The following ESPL1 variants were observed in gnomAD, a reference collection of about 807,000 sequenced individuals.
ESPL1 encodes the protein separin.
A neutral mutation model predicts 217.2 loss-of-function variants in ESPL1; 50 were observed. The observed-to-expected ratio is 0.23, with a 90% CI of 0.18 to 0.29. The LOEUF is 0.29. Among genes scored for constraint, ESPL1 ranks in the 10% least tolerant of loss-of-function variants. ESPL1 has a pLI of 1.00. For synonymous variants in ESPL1, 994 were observed against 1,081.3 expected (o/e 0.92, Z 1.58); for missense variants, 1,834 against 2,603.0 (o/e 0.70, Z 6.43).
Position 53,286,076 on chromosome 12 carries a change from A to G in ESPL1, c.3340A>G (p.Lys1114Glu), listed in dbSNP as rs1377173713. ...TCTAGAGCTGGTGGCCACTGTGGCC[A>G]AGGAGCCTGGCCCCATAGCACCTTC... ...PALELVATVA[K>E]EPGPIAPSTN... The change falls in exon 18 of 31, where the codon AAG becomes GAG. Residue 1114 changes from lysine (K) to glutamate (E), a missense_variant. Physicochemically the swap from Lys to Glu is moderately conservative, Grantham distance 56. Transcript: ENST00000257934. This position sits in a 1 kb window ranked among gnomAD's most constrained non-coding sequence, Gnocchi z 5.3. 6.2e-7 allele frequency: 1 copy of G among 1,611,300 alleles called. No homozygotes were observed. Among genetic ancestry groups the G allele is most frequent in the East Asian group, 2.2e-5 (1 of 44,812 alleles).
Position 53,292,877 on chromosome 12 carries a change from T to C in ESPL1, c.6068T>C (p.Val2023Ala), listed in dbSNP as rs967999111. ...GTCCTGCGGCTGAGCTGTCGGGCAG[T>C]GGCCCTGCTGTTTGGCTGTAGCAGT... is the stretch of plus-strand genomic sequence containing the variant. ...QAVLRLSCRA[V>A]ALLFGCSSAA... The change falls in exon 30 of 31, where the codon GTG (valine) becomes GCG (alanine). Residue 2023 changes from valine (V) to alanine (A), a missense_variant. Val to Ala is a moderately conservative substitution (Grantham distance 64). Coordinates refer to ENST00000257934, the MANE Select transcript of ESPL1 (RefSeq NM_012291.5). This position sits in a 1 kb window ranked among gnomAD's most constrained non-coding sequence, Gnocchi z 4.5. 2 of 1,613,364 alleles carry C rather than the reference T, an allele frequency of 1.2e-6. No individual in the cohort carries two copies. Among genetic ancestry groups the C allele is most frequent in the Non-Finnish European group, 1.7e-6 (2 of 1,180,044 alleles).
chr12:53,288,592 T>C lies in ESPL1; in HGVS notation c.4601T>C (p.Leu1534Pro). The change falls in exon 20 of 31, where the codon CTG becomes CCG. Residue 1534 changes from leucine to proline, a missense_variant. Transcript: ENST00000257934. ...GCAGCTTCTGGAGAATGGGAGCTGC[T>C]GAGGCTGGATTCCAGCAAGAAGAAG... ...PEAASGEWELLRLDSSKKKLP... is the reference protein window; with the variant it reads ...PEAASGEWELPRLDSSKKKLP... 6.2e-7 allele frequency: 1 copy of C among 1,613,810 alleles called. No homozygotes were observed.
At chr12:53,281,758 A>G in intron 13 of ESPL1, 132 bp downstream of exon 13, 1 of 850,004 alleles carries the variant, frequency 1.2e-6, no homozygotes, top group Non-Finnish European at 1.8e-6. Flanking sequence ...AGGCAGGCAT[A>G]TTTCCTAGCC....
intron 6 of ESPL1, among the ~76,000 whole-genome samples, chr12:53,273,066 C>T (rs1329536645): frequency 1.4e-5 from 2 of 142,334 alleles, no homozygotes; most frequent in African/African-American, 2.7e-5. Context: ...AGACGAGTCT[C>T]GCTCTGTCGC....
rs200015034 is a variant in ESPL1, at chr12:53,283,271, G to T, written c.2920+14G>T. 6.2e-7 allele frequency: 1 copy of T among 1,614,094 alleles called. No homozygotes were observed. Among genetic ancestry groups the T allele is most frequent in the Non-Finnish European group, 8.5e-7 (1 of 1,179,954 alleles). On this transcript the variant is annotated intron_variant, in intron 15 of 30. Transcript: ENST00000257934. ...TTTTGGACTATGGTGAGTCTGGGGA[G>T]GACAGCAGGGCCCTCTTGGAATGGA...
chr12:53,279,228 C>G (rs531887983), intron 11 of ESPL1, among the ~76,000 whole-genome samples: 73 of 152,286 alleles, frequency 4.8e-4, no homozygotes, highest in African/African-American at 1.7e-3. Flanking sequence ...GGGAGTTTCA[C>G]AAAATTCCTG....
chr12:53,277,464 A>G lies in ESPL1; in HGVS notation c.2086-6A>G. ...CCCTGTTTTATACCCCGATCTTCCCATCCAGGGTATCGAGCGGGATCGGAG... is the reference window on the plus strand; with the variant it reads ...CCCTGTTTTATACCCCGATCTTCCCGTCCAGGGTATCGAGCGGGATCGGAG... On this transcript the variant is annotated splice_region_variant and splice_polypyrimidine_tract_variant and intron_variant, in intron 9 of 30. Transcript: ENST00000257934. The G allele has an allele frequency of 6.2e-7, 1 of 1,613,706 alleles. No individual in the cohort carries two copies. Among genetic ancestry groups the G allele is most frequent in the East Asian group, 2.2e-5 (1 of 44,886 alleles).
chr12:53,272,433 G>A (rs1390926348), intron 5 of ESPL1, among the ~76,000 whole-genome samples: 3 of 152,130 alleles, frequency 2.0e-5, no homozygotes, highest in East Asian at 1.9e-4. Flanking sequence ...TCAGCCATGT[G>A]GGTTCCTGGA....
At chr12:53,287,028 C>G in intron 18 of ESPL1, 116 bp downstream of exon 18, 1 of 1,002,866 alleles carries the variant, frequency 1.0e-6, no homozygotes, top group Non-Finnish European at 1.5e-6. Flanking sequence ...CCTAGTGGAA[C>G]TTTAATCTCC....
At chr12:53,268,696 T>G in intron 1 of ESPL1, 59 bp from the exon 2 acceptor site, 2 of 1,068,150 alleles carry the variant, frequency 1.9e-6, no homozygotes, top group Non-Finnish European at 2.8e-6. Flanking sequence ...TTCAGCCCTC[T>G]TCCCTTCCTC....
chr12:53,288,752 G>A, intron 20 of ESPL1, 53 bp downstream of exon 20: 2 of 1,502,144 alleles, frequency 1.3e-6, no homozygotes, highest in Non-Finnish European at 1.8e-6. Context: ...AGCCTCTAGG[G>A]CTTTTGACCC....
Position 53,277,482 on chromosome 12 carries a change from G to C in ESPL1, c.2098G>C (p.Asp700His), listed in dbSNP as rs1417230738. 2 of 1,614,082 alleles carry C rather than the reference G, an allele frequency of 1.2e-6. No homozygotes were observed. The highest frequency in any genetic ancestry group is 2.2e-5 in the South Asian group (2 of 91,072). The change falls in exon 10 of 31, where the codon GAT (aspartate) becomes CAT (histidine). Residue 700 changes from aspartate to histidine, a missense_variant. By Grantham distance (81) the Asp-to-His change is moderately conservative. Coordinates refer to ENST00000257934, the MANE Select transcript of ESPL1 (RefSeq NM_012291.5). Reference protein sequence around the residue: ...EAKMQEGIERDRRAQAPGNLE... With the variant: ...EAKMQEGIERHRRAQAPGNLE... ...TCTTCCCATCCAGGGTATCGAGCGG[G>C]ATCGGAGAGCCCAGGCCCCTGGTAA...
Position 53,277,551 on chromosome 12 carries a change from C to A in ESPL1, c.2167C>A (p.Leu723Ile). 1 of 1,614,188 alleles carries A rather than the reference C, an allele frequency of 6.2e-7. No homozygotes were observed. Residue 723 changes from leucine to isoleucine, a missense_variant, in exon 10 of 31, where the codon CTC becomes ATC. By Grantham distance (5) the Leu-to-Ile change is conservative (BLOSUM62 2). Around this residue, in one of 5 missense-constraint regions of ESPL1, gnomAD observed 746 missense variants for 1,077.0 expected, o/e 0.69. Transcript: ENST00000257934. ...CAATGACCTGAACTATGAAGATAAA[C>A]TCCAGGAAGATCGTTTCCTATACAG... ...EVNDLNYEDKLQEDRFLYSNI... is the reference protein window; with the variant it reads ...EVNDLNYEDKIQEDRFLYSNI...
chr12:53,285,709 A>C (rs189603199), intron 17 of ESPL1, among the ~76,000 whole-genome samples: 2,553 of 149,218 alleles, frequency 0.017, 70 homozygotes, highest in African/African-American at 0.06. Context: ...ACTCCATCTC[A>C]AAAAAAAAAG....
At chr12:53,272,097 A>G (rs1032397291) in intron 5 of ESPL1, among the ~76,000 whole-genome samples, 12 of 152,208 alleles carry the variant, frequency 7.9e-5, no homozygotes, top group Non-Finnish European at 1.6e-4. Context: ...AAAAAAAAAA[A>G]AAAAAAATTT....
rs779225652 is a variant in ESPL1, at chr12:53,283,445, T to G, written c.2984T>G (p.Val995Gly). 6.2e-7 allele frequency: 1 copy of G among 1,614,154 alleles called. No individual in the cohort carries two copies. Among genetic ancestry groups the G allele is most frequent in the Non-Finnish European group, 8.5e-7 (1 of 1,180,004 alleles). ...SEVLSCSEKL[V>G]CHLGRLGSVS... Reference sequence around the variant, plus strand: ...GTGCTGAGCTGCTCAGAGAAGCTGGTCTGCCACCTGGGCCGCCTGGGTAGT... The same window carrying G: ...GTGCTGAGCTGCTCAGAGAAGCTGGGCTGCCACCTGGGCCGCCTGGGTAGT... Residue 995 changes from valine to glycine, a missense_variant, in exon 16 of 31, where the codon GTC becomes GGC. Around this residue, in one of 5 missense-constraint regions of ESPL1, gnomAD observed 107 missense variants for 171.7 expected, o/e 0.62. Coordinates refer to ENST00000257934, the MANE Select transcript of ESPL1 (RefSeq NM_012291.5).
chr12:53,269,293 A>C lies in ESPL1; in HGVS notation c.351A>C (p.Thr117=), dbSNP rs530797873. 1.7e-5 allele frequency: 28 copies of C among 1,613,916 alleles called. No individual in the cohort carries two copies. The African/African-American group carries it at 2.5e-4, about 15-fold the overall frequency. ...NAAAQGSPEA[T]LRLAQPLHAC... ...CTGCACAAGGAAGCCCAGAGGCCAC[A>C]CTCCGCCTTGCTCAGCCCCTCCATG... Residue 117 remains threonine, a synonymous_variant, in exon 3 of 31, where the codon ACA becomes ACC. Coordinates refer to ENST00000257934, the MANE Select transcript of ESPL1 (RefSeq NM_012291.5). This position sits in a 1 kb window ranked among gnomAD's most constrained non-coding sequence, Gnocchi z 6.7.
At chr12:53,281,248 A>G (rs962649429) in intron 12 of ESPL1, among the ~76,000 whole-genome samples, 3 of 144,118 alleles carry the variant, frequency 2.1e-5, no homozygotes, top group Admixed American at 1.5e-4. Context: ...AGTGATTCTC[A>G]TGCCTCAGCC....
rs746659325 is a variant in ESPL1 at position 53,289,598 on chromosome 12, T to C, written c.5113+4T>C. The C allele has an allele frequency of 2.2e-5, 36 of 1,611,452 alleles. No individual in the cohort carries two copies. Among genetic ancestry groups the C allele is most frequent in the Admixed American group, 1.5e-4 (9 of 59,626 alleles). Reference sequence around the variant, plus strand: ...CGCCTGGCTCTGATCCCCAGTGGTATGCGGGCAGCCTTCTGGCCGGCTCCT... The same window carrying C: ...CGCCTGGCTCTGATCCCCAGTGGTACGCGGGCAGCCTTCTGGCCGGCTCCT... On this transcript the variant is annotated splice_donor_region_variant and intron_variant, in intron 22 of 30. Coordinates refer to ENST00000257934, the MANE Select transcript of ESPL1 (RefSeq NM_012291.5).
Sources: allele counts gnomAD v4.1 joint callset (sites outside exome capture counted in the v4.1 genomes callset), GRCh38; gene constraint gnomAD v4.1.1; regional missense constraint gnomAD v4.1.1; non-coding constraint Gnocchi (gnomAD v3.1); transcripts MANE v1.5; gene names NCBI Gene and HGNC (gene_info 2026-07-23, HGNC 2026-07-21).